MGST1: variants seen among roughly 807,000 people sequenced by gnomAD.
MGST1 encodes glutathione S-transferase 12.
Under a neutral mutation model 8.9 loss-of-function variants are expected in MGST1, and 5 were observed. The observed-to-expected ratio is 0.56, with a 90% CI of 0.29 to 1.19. The LOEUF is 1.19. Ranked by LOEUF, MGST1 falls within the 50% of genes most tolerant of loss-of-function variation. The pLI is 0.08. For synonymous variants in MGST1, 54 were observed against 67.8 expected (o/e 0.80, Z 1.00); for missense variants, 182 against 187.4 (o/e 0.97, Z 0.17).
intron 3 of MGST1, among the ~76,000 whole-genome samples, chr12:16,372,542 A>G (rs1311575383): frequency 6.6e-6 from 1 of 152,110 alleles, no homozygotes; most frequent in Non-Finnish European, 1.5e-5. Context: ...TCTAGTGAGA[A>G]TGTGGCAAGA....
At chr12:16,515,684 T>C (rs371643803) in intron 4 of MGST1, among the ~76,000 whole-genome samples, 9 of 151,760 alleles carry the variant, frequency 5.9e-5, no homozygotes, top group South Asian at 4.2e-4. Flanking sequence ...TTTCTGCTGA[T>C]CTCATACCCT....
At chr12:16,514,790 G>A (rs901155788) in intron 4 of MGST1, among the ~76,000 whole-genome samples, 7 of 152,224 alleles carry the variant, frequency 4.6e-5, no homozygotes, top group Non-Finnish European at 8.8e-5. Context: ...CAACCACAGT[G>A]TGTAACACTC....
At chr12:16,353,132 C>T (rs1255348873) in intron 1 of MGST1, among the ~76,000 whole-genome samples, 1 of 151,926 alleles carries the variant, frequency 6.6e-6, no homozygotes. Context: ...CTCCTGGGTT[C>T]ATGCTATTCT....
At chr12:16,394,324 T>C (rs1940579716) in intron 1 of MGST1, among the ~76,000 whole-genome samples, 1 of 152,088 alleles carries the variant, frequency 6.6e-6, no homozygotes, top group South Asian at 2.1e-4. Flanking sequence ...GTTCATTTAG[T>C]TTGTTTGCCA....
At chr12:16,539,274 A>G (rs1591755062) in intron 4 of MGST1, among the ~76,000 whole-genome samples, 1 of 152,286 alleles carries the variant, frequency 6.6e-6, no homozygotes, top group South Asian at 2.1e-4. Context: ...AGATTTTTAC[A>G]TTTGAGAAGG....
chr12:16,507,167 G>A (rs1385982933), intron 4 of MGST1, among the ~76,000 whole-genome samples: 1 of 152,130 alleles, frequency 6.6e-6, no homozygotes, highest in Admixed American at 6.5e-5. Flanking sequence ...AAGAGGTAAG[G>A]ACATTCTACA....
intron 4 of MGST1, among the ~76,000 whole-genome samples, chr12:16,501,622 G>A (rs1333818175): frequency 3.9e-5 from 6 of 152,084 alleles, no homozygotes; most frequent in African/African-American, 1.4e-4. Flanking sequence ...TAGATTATTA[G>A]GAAATTTCAT....
chr12:16,354,436 GTT>G (rs1939617781), intron 2 of MGST1, 58 bp downstream of exon 2: 1 of 1,537,398 alleles, frequency 6.5e-7, no homozygotes, highest in Admixed American at 2.3e-5. Flanking sequence ...CTGGAGAGCA[GTT>G]TTCTTAATTT....
chr12:16,580,601 T>C (rs1344429822), intron 4 of MGST1, among the ~76,000 whole-genome samples: 1 of 152,152 alleles, frequency 6.6e-6, no homozygotes, highest in Non-Finnish European at 1.5e-5. Flanking sequence ...TTCACTAGCA[T>C]GGAAAAATGT....
intron 4 of MGST1, among the ~76,000 whole-genome samples, chr12:16,506,223 C>G (rs1318481054): frequency 6.6e-6 from 1 of 152,166 alleles, no homozygotes; most frequent in African/African-American, 2.4e-5. Flanking sequence ...CATGCGCCCT[C>G]ATTCCCTGAA....
chr12:16,374,553 A>G (rs989493943), intron 3 of MGST1, among the ~76,000 whole-genome samples: 1 of 152,166 alleles, frequency 6.6e-6, no homozygotes, highest in African/African-American at 2.4e-5. Flanking sequence ...ACTATATTTT[A>G]AAATATGAAG....
downstream of MGST1, among the ~76,000 whole-genome samples, chr12:16,443,048 T>C (rs1941051089): frequency 6.6e-6 from 1 of 151,858 alleles, no homozygotes. Context: ...ACTATATTAC[T>C]AGAGCCATAC....
chr12:16,461,776 C>T (rs1305828230), intron 4 of MGST1, among the ~76,000 whole-genome samples: 1 of 152,134 alleles, frequency 6.6e-6, no homozygotes, highest in African/African-American at 2.4e-5. Context: ...AGAACAACTA[C>T]ACCAAAACAA....
intron 1 of MGST1, among the ~76,000 whole-genome samples, chr12:16,415,069 T>C (rs1457165219): frequency 2.0e-5 from 3 of 152,124 alleles, no homozygotes; most frequent in African/African-American, 7.2e-5. Context: ...TTAGCATGTA[T>C]TGTAGGTCAA....
chr12:16,388,299 A>G (rs948775576), intron 1 of MGST1, among the ~76,000 whole-genome samples: 2 of 151,288 alleles, frequency 1.3e-5, no homozygotes, highest in African/African-American at 4.9e-5. Flanking sequence ...GTATACTTGT[A>G]TAGGGCATTT....
chr12:16,429,088 T>G (rs1265820978), intron 1 of MGST1, among the ~76,000 whole-genome samples: 1 of 152,124 alleles, frequency 6.6e-6, no homozygotes, highest in Non-Finnish European at 1.5e-5. Context: ...TGTTAAATTT[T>G]TTGAACATCG....
At chr12:16,571,046 T>TA (rs1446661393) in intron 4 of MGST1, among the ~76,000 whole-genome samples, 2 of 152,150 alleles carry the variant, frequency 1.3e-5, no homozygotes, top group East Asian at 1.9e-4. Flanking sequence ...TAATAAATTT[T>TA]AAAAAAATCT....
chr12:16,557,427 C>T (rs764550389), intron 4 of MGST1, among the ~76,000 whole-genome samples: 15 of 147,104 alleles, frequency 1.0e-4, no homozygotes, highest in East Asian at 2.0e-4. Flanking sequence ...TGAGGGAATG[C>T]GTAGTTTTGT....
rs1332054240 is a variant in MGST1 at position 16,585,740 on chromosome 12, T to C, written n.483-3788T>C. Among the ~76,000 whole-genome samples the C allele has an allele frequency of 6.6e-6, 1 of 152,152 alleles. No homozygotes were observed. The highest frequency in any genetic ancestry group is 1.9e-4 in the East Asian group (1 of 5,190). Reference sequence around the variant, plus strand: ...ATAATAATAGAAAGGAAAATATGGGTGAGAAATTACAAAAGGCTGGAGAAT... The same window carrying C: ...ATAATAATAGAAAGGAAAATATGGGCGAGAAATTACAAAAGGCTGGAGAAT... On this transcript the variant is annotated intron_variant and non_coding_transcript_variant, in intron 4 of 4. Coordinates refer to the MGST1 transcript ENST00000538857. This position sits in a 1 kb window ranked among gnomAD's most constrained non-coding sequence, Gnocchi z 4.7.
Sources: allele counts gnomAD v4.1 joint callset (sites outside exome capture counted in the v4.1 genomes callset), GRCh38; gene constraint gnomAD v4.1.1; non-coding constraint Gnocchi (gnomAD v3.1); transcripts MANE v1.5; gene names NCBI Gene and HGNC (gene_info 2026-07-23, HGNC 2026-07-21).